Variants in ATG4A observed in about 807,000 individuals in gnomAD.
ATG4A encodes the protein cysteine protease ATG4A.
In ATG4A, 22 loss-of-function variants were observed where a neutral mutation model predicts 38.4. The observed-to-expected ratio is 0.57, with a 90% CI of 0.41 to 0.82. The LOEUF is 0.82. Among genes scored for constraint, ATG4A ranks in the 40% least tolerant of loss-of-function variants. ATG4A has a pLI of 0.00. For synonymous variants in ATG4A, 86 were observed against 100.7 expected (o/e 0.85, Z 0.88); for missense variants, 220 against 290.0 (o/e 0.76, Z 1.75).
chrX:108,141,834 G>C (rs757986858), intron 9 of ATG4A, among the ~76,000 whole-genome samples: 16 of 111,278 alleles, frequency 1.4e-4, no homozygotes, highest in African/African-American at 4.6e-4. Context: ...AAAAAATTTT[G>C]TTCCAGATTC....
upstream of ATG4A, chrX:108,091,467 C>G (rs1315200621): frequency 8.2e-7 from 1 of 1,212,580 alleles, no homozygotes. Context: ...ACTCTTCCAG[C>G]TTCCCGCTGT....
intron 12 of ATG4A, 131 bp from the exon 13 acceptor site, chrX:108,153,511 C>A: frequency 2.0e-6 from 1 of 494,991 alleles, no homozygotes; most frequent in Non-Finnish European, 3.5e-6. Context: ...AATTGTAAGT[C>A]TCCTCCACAC....
intron 1 of ATG4A, among the ~76,000 whole-genome samples, chrX:108,119,117 T>G (rs2147986701): frequency 9.0e-6 from 1 of 111,636 alleles, no homozygotes; most frequent in East Asian, 2.8e-4. Context: ...GCTCGGGGTA[T>G]TCCTCCTAAC....
chrX:108,152,296 G>A (rs1305391308), intron 11 of ATG4A, among the ~76,000 whole-genome samples: 1 of 111,142 alleles, frequency 9.0e-6, no homozygotes, highest in African/African-American at 3.3e-5. Flanking sequence ...GTGCAGTGGC[G>A]GGATCTGGGT....
chrX:108,108,654 G>A (rs1024442736), intron 1 of ATG4A, among the ~76,000 whole-genome samples: 11 of 110,905 alleles, frequency 9.9e-5, no homozygotes, highest in South Asian at 3.8e-4. Flanking sequence ...TCGTTTTTAA[G>A]TGTACAATTC....
chrX:108,115,202 A>G (rs1363888340), intron 1 of ATG4A, among the ~76,000 whole-genome samples: 1 of 109,174 alleles, frequency 9.2e-6, no homozygotes, highest in Non-Finnish European at 1.9e-5. Context: ...CTGTTAAATA[A>G]GAGATTGTGG....
At chrX:108,147,554 A>G (rs1239591276) in intron 9 of ATG4A, among the ~76,000 whole-genome samples, 1 of 111,453 alleles carries the variant, frequency 9.0e-6, no homozygotes, top group Non-Finnish European at 1.9e-5. Flanking sequence ...TCTACAGGAG[A>G]TAAGACTCTC....
chrX:108,118,489 G>T (rs1029321720), intron 1 of ATG4A, among the ~76,000 whole-genome samples: 4 of 111,610 alleles, frequency 3.6e-5, no homozygotes, highest in African/African-American at 1.3e-4. Flanking sequence ...TAAAATGGAG[G>T]TAATGGTCCC....
intron 1 of ATG4A, among the ~76,000 whole-genome samples, chrX:108,122,063 T>C (rs761998133): frequency 1.2e-4 from 13 of 112,035 alleles, no homozygotes; most frequent in Non-Finnish European, 2.1e-4. Flanking sequence ...TGAGATTCTA[T>C]GGCCTTTTAA....
chrX:108,106,720 T>C (rs1444380869), intron 1 of ATG4A, among the ~76,000 whole-genome samples: 1 of 112,406 alleles, frequency 8.9e-6, no homozygotes, highest in African/African-American at 3.2e-5. Context: ...CATTTCCCTT[T>C]GGACTCCATG....
chrX:108,141,040 A>G (rs1469740211), intron 9 of ATG4A, among the ~76,000 whole-genome samples: 7 of 74,661 alleles, frequency 9.4e-5, no homozygotes, highest in East Asian at 3.8e-4. Context: ...ACATATATAC[A>G]TATATATACA....
At chrX:108,140,307 C>G (rs2033202771) in intron 9 of ATG4A, among the ~76,000 whole-genome samples, 1 of 110,709 alleles carries the variant, frequency 9.0e-6, no homozygotes, top group Non-Finnish European at 1.9e-5. Context: ...TACCCCAAGA[C>G]AGAGGTTCAC....
At chrX:108,099,857 A>G (rs1192338791) in intron 1 of ATG4A, among the ~76,000 whole-genome samples, 1 of 111,878 alleles carries the variant, frequency 8.9e-6, no homozygotes, top group Non-Finnish European at 1.9e-5. Context: ...CATACCACAC[A>G]GTGTTGAATA....
chrX:108,091,096 G>A (rs1387196826), upstream of ATG4A, among the ~76,000 whole-genome samples: 1 of 113,534 alleles, frequency 8.8e-6, no homozygotes, highest in African/African-American at 3.2e-5. Context: ...TACTAGTAAA[G>A]GTAAATAAAT....
At chrX:108,132,309 C>T (rs1164014005) in intron 4 of ATG4A, among the ~76,000 whole-genome samples, 1 of 112,327 alleles carries the variant, frequency 8.9e-6, no homozygotes, top group East Asian at 2.8e-4. Context: ...GGTGAAGGTC[C>T]AGTTGGACTT....
chrX:108,091,365 C>T (rs1231242482), upstream of ATG4A: 1 of 1,152,790 alleles, frequency 8.7e-7, no homozygotes, highest in South Asian at 1.8e-5. Flanking sequence ...CGTAGGGCTT[C>T]GCCGACGTCG....
intron 4 of ATG4A, among the ~76,000 whole-genome samples, chrX:108,131,722 C>T (rs1040299659): frequency 9.0e-6 from 1 of 111,652 alleles, no homozygotes; most frequent in African/African-American, 3.3e-5. Context: ...GTTTCTTGAC[C>T]TCATTTAAGA....
chrX:108,104,437 T>C (rs967025049), intron 1 of ATG4A, among the ~76,000 whole-genome samples: 2 of 111,295 alleles, frequency 1.8e-5, no homozygotes, highest in Non-Finnish European at 3.8e-5. Context: ...TTGGCAGGTT[T>C]TTTTTTTTTC....
intron 1 of ATG4A, among the ~76,000 whole-genome samples, chrX:108,112,395 CTT>C (rs889066930): frequency 6.8e-5 from 7 of 102,423 alleles, no homozygotes; most frequent in South Asian, 8.5e-4. Context: ...ACTTCCCTGA[CTT>C]TTTTTTTTTT....
Sources: gnomAD v4.1 joint callset for allele counts (sites outside exome capture counted in the v4.1 genomes callset) on GRCh38, gnomAD v4.1.1 for gene constraint, MANE v1.5 for transcripts, NCBI Gene and HGNC (gene_info 2026-07-23, HGNC 2026-07-21) for gene names.